The following CLK2 variants were observed in gnomAD, a reference collection of about 807,000 sequenced individuals.
CLK2 encodes the protein CDC like kinase 2.
In CLK2, 12 loss-of-function variants were observed where a neutral mutation model predicts 73.5. The ratio of observed to expected loss-of-function variants is 0.16; its 90% confidence interval spans 0.10 to 0.26. CLK2 has a LOEUF of 0.26. CLK2 is among the 10% of genes least tolerant of loss of function. CLK2 has a pLI of 1.00. For synonymous variants in CLK2, 232 were observed against 237.9 expected (o/e 0.98, Z 0.23); for missense variants, 509 against 688.4 (o/e 0.74, Z 2.92).
intron 10 of CLK2, 55 bp downstream of exon 10, chr1:155,264,413 A>G (rs1673131791): frequency 6.2e-7 from 1 of 1,607,226 alleles, no homozygotes; most frequent in East Asian, 2.2e-5. Context: ...AGCAGAAAAC[A>G]AAGGAACCAG....
In CLK2 at chr1:155,268,538, G is replaced by C; in HGVS notation, c.487+170C>G. 1.3e-6 allele frequency: 1 copy of C among 782,198 alleles called. No homozygotes were observed. Among genetic ancestry groups the C allele is most frequent in the Non-Finnish European group, 2.2e-6 (1 of 458,096 alleles). The allele number at this position is 782,198 out of a possible 1,614,324, so 48.5% of individuals were successfully genotyped here. ...TCCCACCACCTTTAACCCAGGGGCC[G>C]TGAGAGCTGGGAGTGGACAACAGAG... On this transcript the variant is annotated intron_variant, in intron 4 of 12. Coordinates refer to ENST00000368361, the MANE Select transcript of CLK2 (RefSeq NM_001294338.2). This position sits in a 1 kb window ranked among gnomAD's most constrained non-coding sequence, Gnocchi z 5.6.
At chr1:155,264,904 T>C in intron 8 of CLK2, 130 bp from the exon 9 acceptor site, 1 of 1,133,410 alleles carries the variant, frequency 8.8e-7, no homozygotes, top group Non-Finnish European at 1.3e-6. Context: ...CCCTGGGAAA[T>C]TCCTGTTTTA....
chr1:155,269,651 C>G lies in CLK2; in HGVS notation c.236G>C (p.Arg79Pro), dbSNP rs771757999. 2 of 1,614,214 alleles carry G rather than the reference C, an allele frequency of 1.2e-6. No homozygotes were observed. The highest frequency in any genetic ancestry group is 8.5e-7 in the Non-Finnish European group (1 of 1,180,040). ...YDRRYCGSYR[R>P]NDYSRDRGDA... ...TCCCCGATCCCGGCTATAATCGTTG[C>G]GTCTGTAGCTGCCACAGTATCGCCG... Residue 79 changes from arginine (R) to proline (P), a missense_variant, in exon 3 of 13, where the codon CGC becomes CCC. Physicochemically the swap from Arg to Pro is moderately radical, Grantham distance 103. Around this residue, in one of 6 missense-constraint regions of CLK2, gnomAD observed 222 missense variants for 221.7 expected, o/e 1.00. Coordinates refer to ENST00000368361, the MANE Select transcript of CLK2 (RefSeq NM_001294338.2).
chr1:155,267,823 G>A (rs1673303280), intron 6 of CLK2, among the ~76,000 whole-genome samples, 187 bp downstream of exon 6: 1 of 152,050 alleles, frequency 6.6e-6, no homozygotes. Flanking sequence ...CAAGGGGAGT[G>A]GATTAAGGAA....
intron 8 of CLK2, among the ~76,000 whole-genome samples, chr1:155,265,634 A>T (rs1196345176): frequency 1.4e-5 from 2 of 146,522 alleles, no homozygotes; most frequent in Non-Finnish European, 1.5e-5. Context: ...AAAAACTTTC[A>T]CTCTACTGGA....
In CLK2 at chr1:155,263,114, G is replaced by A; in HGVS notation, c.*104C>T. 9.1e-7 allele frequency: 1 copy of A among 1,097,128 alleles called. No homozygotes were observed. The highest frequency in any genetic ancestry group is 1.3e-6 in the Non-Finnish European group (1 of 782,478). 68.0% of individuals were successfully genotyped at this position (1,097,128 alleles called of 1,614,324 possible). ...TTCACAGGTATATAGAGAGCCAGGAGGAAGGAGTGAACTCTGGCTCGTTCT... is the reference window on the plus strand; with the variant it reads ...TTCACAGGTATATAGAGAGCCAGGAAGAAGGAGTGAACTCTGGCTCGTTCT... On this transcript the variant is annotated 3_prime_UTR_variant, in exon 13 of 13. Coordinates refer to ENST00000368361, the MANE Select transcript of CLK2 (RefSeq NM_001294338.2).
In CLK2 at chr1:155,268,784, G is replaced by T; in HGVS notation, c.411C>A (p.Ser137Arg). The change falls in exon 4 of 13, where the codon AGC becomes AGA. Residue 137 changes from serine (S) to arginine (R), a missense_variant. By Grantham distance (110) the Ser-to-Arg change is moderately radical. Coordinates refer to ENST00000368361, the MANE Select transcript of CLK2 (RefSeq NM_001294338.2). The surrounding 1 kb of genome is among the most constrained non-coding windows in gnomAD (Gnocchi z 5.6). ...TFSRSSSQHS[S>R]RRAKSVEDDA... ...CGTCCTCTACACTCTTGGCTCTCCGGCTGCTGTGCTGCTGTCGGGGGGCAG... is the reference window on the plus strand; with the variant it reads ...CGTCCTCTACACTCTTGGCTCTCCGTCTGCTGTGCTGCTGTCGGGGGGCAG... 1 of 1,612,296 alleles carries T rather than the reference G, an allele frequency of 6.2e-7. No individual in the cohort carries two copies. Among genetic ancestry groups the T allele is most frequent in the South Asian group, 1.1e-5 (1 of 91,032 alleles).
At chr1:155,269,338 G>A (rs903885242) in intron 3 of CLK2, 150 bp downstream of exon 3, 12 of 687,082 alleles carry the variant, frequency 1.7e-5, no homozygotes, top group Middle Eastern at 3.9e-4. Flanking sequence ...TTCAAGAGTC[G>A]GAGAGCTTCC....
rs746206726 is a variant in CLK2 at position 155,268,142 on chromosome 1, A to G, written c.555-16T>C. The G allele has an allele frequency of 8.1e-6, 13 of 1,608,492 alleles. No individual in the cohort carries two copies. The African/African-American group carries it at 1.7e-4, about 21-fold the overall frequency. On this transcript the variant is annotated splice_polypyrimidine_tract_variant and intron_variant, in intron 5 of 12. Transcript: ENST00000368361. This position sits in a 1 kb window ranked among gnomAD's most constrained non-coding sequence, Gnocchi z 5.6. ...AGCCCCACCCCTGTAAGTTGGCAGG[A>G]GAGGCTTTTGCTGGGTTCTCAAGAA... is the stretch of plus-strand genomic sequence containing the variant.
At chr1:155,265,761 G>C in intron 8 of CLK2, 99 bp downstream of exon 8, 2 of 824,822 alleles carry the variant, frequency 2.4e-6, no homozygotes, top group Non-Finnish European at 4.3e-6. Flanking sequence ...GAAAATGTGG[G>C]AGGACGAAAT....
At chr1:155,264,859 A>G (rs565267723) in intron 8 of CLK2, 85 bp from the exon 9 acceptor site, 1 of 1,531,744 alleles carries the variant, frequency 6.5e-7, no homozygotes, top group South Asian at 1.2e-5. Context: ...TGAGCCTTAA[A>G]AAAGGTACTG....
rs773395300 is a variant in CLK2 at position 155,263,238 on chromosome 1, T to G, written c.1480A>C (p.Ser494Arg). ...AEPPNKLWDSSRDISR is the reference protein window; with the variant it reads ...AEPPNKLWDSRRDISR ...GATCGTCACCGACTGATATCCCGAC[T>G]GGAGTCCCACAACTTGTTGGGCGGC... The change falls in exon 13 of 13, where the codon AGT becomes CGT. Residue 494 changes from serine to arginine, a missense_variant. By Grantham distance (110) the Ser-to-Arg change is moderately radical. Around this residue, in one of 6 missense-constraint regions of CLK2, gnomAD observed 134 missense variants for 146.0 expected, o/e 0.92. Coordinates refer to ENST00000368361, the MANE Select transcript of CLK2 (RefSeq NM_001294338.2). The G allele has an allele frequency of 6.2e-7, 1 of 1,613,772 alleles. No homozygotes were observed. Among genetic ancestry groups the G allele is most frequent in the South Asian group, 1.1e-5 (1 of 91,042 alleles).
Position 155,271,005 on chromosome 1 carries a change from G to C in CLK2, c.1-28C>G, listed in dbSNP as rs1328465965. 4 of 1,596,484 alleles carry C rather than the reference G, an allele frequency of 2.5e-6. No homozygotes were observed. In the Admixed American group the frequency reaches 5.0e-5, roughly 20 times the overall value. On this transcript the variant is annotated intron_variant, in intron 1 of 12. Coordinates refer to ENST00000368361, the MANE Select transcript of CLK2 (RefSeq NM_001294338.2). ...GGAAGGCAAGGGAAAGCGGAAATAGGAAAGTTTCGAGTTTTCAGAAATCTC... is the reference window on the plus strand; with the variant it reads ...GGAAGGCAAGGGAAAGCGGAAATAGCAAAGTTTCGAGTTTTCAGAAATCTC...
chr1:155,263,594 C>G, intron 12 of CLK2, 194 bp from the exon 13 acceptor site: 1 of 985,254 alleles, frequency 1.0e-6, no homozygotes, highest in Non-Finnish European at 1.2e-6. Context: ...CACAATTACT[C>G]CATAATCTTT....
At position 155,269,581 on chromosome 1, in the gene CLK2, C is replaced by G. The variant is rs761073274; in HGVS notation, c.306G>C (p.Gln102His). Residue 102 changes from glutamine to histidine, a missense_variant, in exon 3 of 13, where the codon CAG (glutamine) becomes CAC (histidine). Transcript: ENST00000368361. ...GGCTGCGGTAACTGCTGTTCTCCCG[C>G]TGATATTCATAGGAATGCCGATAGT... Reference protein sequence around the residue: ...DTDYRHSYEYQRENSSYRSQR... With the variant: ...DTDYRHSYEYHRENSSYRSQR... 7 of 1,614,096 alleles carry G rather than the reference C, an allele frequency of 4.3e-6. No homozygotes were observed. Among genetic ancestry groups the G allele is most frequent in the Non-Finnish European group, 5.1e-6 (6 of 1,180,054 alleles).
intron 3 of CLK2, chr1:155,269,142 C>T (rs1673370151): frequency 7.0e-6 from 4 of 573,536 alleles, no homozygotes; most frequent in South Asian, 6.3e-5. Flanking sequence ...AGCCCGCCTG[C>T]CAAGGGGGCT....
At chr1:155,269,855 G>A (rs1170771417) in intron 2 of CLK2, 139 bp from the exon 3 acceptor site, 2 of 733,874 alleles carry the variant, frequency 2.7e-6, no homozygotes, top group Non-Finnish European at 4.6e-6. Context: ...GTCACTGAGA[G>A]GACCAAGGGA....
Position 155,263,174 on chromosome 1 carries a change from C to T in CLK2, c.*44G>A, listed in dbSNP as rs909544886. ...AAAAGCACCAGTGTCCTGGACTGGA[C>T]ACCCACTGCTATAAAAGATGCAGGG... On this transcript the variant is annotated 3_prime_UTR_variant, in exon 13 of 13. Transcript: ENST00000368361. 1 of 1,570,284 alleles carries T rather than the reference C, an allele frequency of 6.4e-7. No individual in the cohort carries two copies. The highest frequency in any genetic ancestry group is 1.4e-5 in the African/African-American group (1 of 73,788).
chr1:155,271,994 G>A (rs534113675), intron 1 of CLK2, among the ~76,000 whole-genome samples: 7 of 150,778 alleles, frequency 4.6e-5, no homozygotes, highest in Non-Finnish European at 1.0e-4. Flanking sequence ...TGCTTAAGAC[G>A]TAGATAACAA....
Sources: gnomAD v4.1 joint callset for allele counts (sites outside exome capture counted in the v4.1 genomes callset) on GRCh38, gnomAD v4.1.1 for gene constraint, gnomAD v4.1.1 regional missense constraint, Gnocchi (gnomAD v3.1) non-coding constraint, MANE v1.5 for transcripts, NCBI Gene and HGNC (gene_info 2026-07-23, HGNC 2026-07-21) for gene names.